The following KCNQ1 variants were observed in gnomAD, a reference collection of about 807,000 sequenced individuals.
The protein encoded by KCNQ1 is potassium voltage-gated channel subfamily KQT member 1.
Under a neutral mutation model 72.4 loss-of-function variants are expected in KCNQ1, and 49 were observed. The observed-to-expected ratio is 0.68, with a 90% CI of 0.54 to 0.86. The LOEUF is 0.86. Among genes scored for constraint, KCNQ1 ranks in the 40% least tolerant of loss-of-function variants. The probability of loss-of-function intolerance (pLI) is 0.00; values close to 1 mark genes in which losing one functional copy is unlikely to be tolerated. For missense variants in KCNQ1, 790 were observed against 945.1 expected, an observed-to-expected ratio of 0.84 and a Z score of 2.15; for synonymous variants, 450 against 412.6, an observed-to-expected ratio of 1.09 and a Z score of -1.10.
intron 2 of KCNQ1, among the ~76,000 whole-genome samples, chr11:2,533,359 C>A (rs760551854): frequency 1.3e-5 from 2 of 152,180 alleles, no homozygotes; most frequent in African/African-American, 4.8e-5. Context: ...ACCACGTGAA[C>A]ACCACGTCGG....
At chr11:2,606,665 G>T (rs1283135826) in intron 10 of KCNQ1, among the ~76,000 whole-genome samples, 8 of 151,878 alleles carry the variant, frequency 5.3e-5, no homozygotes, top group Non-Finnish European at 1.0e-4. Context: ...ACCCAGCCTC[G>T]GGTGTTCCTT....
In KCNQ1 at chr11:2,621,267, C is replaced by T. The variant is rs527355185; in HGVS notation, c.1393+32413C>T. ...TGCTAGGACTACAGGCATGAGCCAC[C>T]GTGCCTGGCCTCATTATTTGCATTT... On this transcript the variant is annotated intron_variant, in intron 10 of 15. Coordinates refer to ENST00000155840, the MANE Select transcript of KCNQ1 (RefSeq NM_000218.3). The surrounding 1 kb of genome is among the most constrained non-coding windows in gnomAD (Gnocchi z 5.7). The T allele has an allele frequency of 3.8e-5, 15 of 398,372 alleles. No homozygotes were observed. Among genetic ancestry groups the T allele is most frequent in the Admixed American group, 3.5e-4 (8 of 22,728 alleles). 24.7% of individuals were successfully genotyped at this position (398,372 alleles called of 1,614,324 possible). A position where few individuals can be genotyped will look rare whatever the true frequency, so the allele number is the denominator to read the frequency against.
At chr11:2,527,503 C>T (rs1271714762) in intron 1 of KCNQ1, among the ~76,000 whole-genome samples, 5 of 152,226 alleles carry the variant, frequency 3.3e-5, no homozygotes, top group Non-Finnish European at 7.3e-5. Flanking sequence ...GTGTAGCCAC[C>T]ACCACCATCC....
rs569971691 is a variant in KCNQ1, at chr11:2,777,989, T to C, written c.1746T>C (p.Asp582=). The change falls in exon 15 of 16, where the codon GAT becomes GAC. Residue 582 remains aspartate (D), a synonymous_variant. Coordinates refer to ENST00000155840, the MANE Select transcript of KCNQ1 (RefSeq NM_000218.3). ...LFISVSEKSK[D]RGSNTIGARL... is the part of the protein sequence containing the mutation. The stretch of plus-strand genomic sequence containing the variant: ...TATCCCCCATAGAAAAGAGCAAGGA[T>C]CGCGGCAGCAACACGATCGGCGCCC... The C allele has an allele frequency of 1.3e-4, 217 of 1,613,734 alleles. 1 individual carries two copies. In the South Asian group the frequency reaches 2.1e-3, roughly 16 times the overall value.
In KCNQ1 at chr11:2,564,466, G is replaced by T. The variant is rs1367300639; in HGVS notation, c.478-6162G>T. Among the ~76,000 whole-genome samples the T allele has an allele frequency of 6.6e-6, 1 of 152,034 alleles. No individual in the cohort carries two copies. Among genetic ancestry groups the T allele is most frequent in the Admixed American group, 6.6e-5 (1 of 15,264 alleles). On this transcript the variant is annotated intron_variant, in intron 2 of 15. Transcript: ENST00000155840. This position sits in a 1 kb window ranked among gnomAD's most constrained non-coding sequence, Gnocchi z 4.5. ...AAAAGATTAGCCGGGTGTGGTGGTG[G>T]GTGCCTCTAATCCAGCTACTCAGGG...
chr11:2,638,325 T>A (rs985126241), intron 10 of KCNQ1: 2 of 152,344 alleles, frequency 1.3e-5, no homozygotes, highest in South Asian at 4.1e-4. Context: ...ATTGTTCCTT[T>A]CCATGTTTAG....
Position 2,653,496 on chromosome 11 carries a change from A to C in KCNQ1, c.1394-8465A>C, listed in dbSNP as rs190315984. On this transcript the variant is annotated intron_variant, in intron 10 of 15. Coordinates refer to ENST00000155840, the MANE Select transcript of KCNQ1 (RefSeq NM_000218.3). The surrounding 1 kb of genome is among the most constrained non-coding windows in gnomAD (Gnocchi z 5.3). ...GCTGTTTCAGACACAGCTGGACCCC[A>C]GAGCTGAGATGATCTTGCTCACTTG... 4 of 398,656 alleles carry C rather than the reference A, an allele frequency of 1.0e-5. No individual in the cohort carries two copies. In the East Asian group the frequency reaches 1.1e-4, roughly 11 times the overall value. The allele number at this position is 398,656 out of a possible 1,614,324, so 24.7% of individuals were successfully genotyped here. A position where few individuals can be genotyped will look rare whatever the true frequency, so the allele number is the denominator to read the frequency against.
At position 2,550,189 on chromosome 11, in the gene KCNQ1, C is replaced by A. The variant is rs893358222; in HGVS notation, c.478-20439C>A. 1.3e-5 allele frequency among the ~76,000 whole-genome samples: 2 copies of A among 152,244 alleles called. No individual in the cohort carries two copies. The highest frequency in any genetic ancestry group is 4.1e-4 in the South Asian group (2 of 4,836). Reference sequence around the variant, plus strand: ...CATCCCGCAGGCAGTGCACGTCCCTCCCCCGCCTCTCTTTGCCGTTGCCGG... The same window carrying A: ...CATCCCGCAGGCAGTGCACGTCCCTACCCCGCCTCTCTTTGCCGTTGCCGG... On this transcript the variant is annotated intron_variant, in intron 2 of 15. Transcript: ENST00000155840. The surrounding 1 kb of genome is among the most constrained non-coding windows in gnomAD (Gnocchi z 6.0).
In KCNQ1 at chr11:2,663,919, G is replaced by A. The variant is rs997434920; in HGVS notation, c.1514+1838G>A. ...TGTGGCTGTGTCATCTAGGACACTG[G>A]GCTGTTTCTTGTTCCACTCCAGGAT... On this transcript the variant is annotated intron_variant, in intron 11 of 15. Coordinates refer to ENST00000155840, the MANE Select transcript of KCNQ1 (RefSeq NM_000218.3). The surrounding 1 kb of genome is among the most constrained non-coding windows in gnomAD (Gnocchi z 5.2). 9 of 398,590 alleles carry A rather than the reference G, an allele frequency of 2.3e-5. No individual in the cohort carries two copies. The Admixed American group carries it at 3.1e-4, about 14-fold the overall frequency. 24.7% of individuals were successfully genotyped at this position (398,590 alleles called of 1,614,324 possible).
chr11:2,529,850 G>T (rs1001243293), intron 2 of KCNQ1, among the ~76,000 whole-genome samples: 6 of 152,144 alleles, frequency 3.9e-5, no homozygotes, highest in Non-Finnish European at 7.3e-5. Context: ...CCAGGCGGGG[G>T]GTGCGCACCT....
rs1162795194 is a variant in KCNQ1, at chr11:2,677,320, G to A, written c.1514+15239G>A. 2.5e-6 allele frequency: 1 copy of A among 398,460 alleles called. No homozygotes were observed. The highest frequency in any genetic ancestry group is 4.4e-6 in the Non-Finnish European group (1 of 226,064). The allele number at this position is 398,460 out of a possible 1,614,324, so 24.7% of individuals were successfully genotyped here. On this transcript the variant is annotated intron_variant, in intron 11 of 15. Transcript: ENST00000155840. This position sits in a 1 kb window ranked among gnomAD's most constrained non-coding sequence, Gnocchi z 4.5. ...ATTTCATCAAGTTAAAGAAAATGATGTCAAATGATTTCTCAAATAGAGACT... is the reference window on the plus strand; with the variant it reads ...ATTTCATCAAGTTAAAGAAAATGATATCAAATGATTTCTCAAATAGAGACT...
At chr11:2,607,309 T>C (rs1273097903) in intron 10 of KCNQ1, among the ~76,000 whole-genome samples, 1 of 152,202 alleles carries the variant, frequency 6.6e-6, no homozygotes, top group African/African-American at 2.4e-5. Flanking sequence ...TGTTGAATTT[T>C]ATCACCCAAA....
rs1589911035 is a variant in KCNQ1, at chr11:2,493,468, G to A, written c.387-34460G>A. ...GGTATTGCCTGGGTATTCTTCTAGG[G>A]TTTCCGTGGTTTTAGGTTTTACATT... On this transcript the variant is annotated intron_variant, in intron 1 of 15. Coordinates refer to ENST00000155840, the MANE Select transcript of KCNQ1 (RefSeq NM_000218.3). This position sits in a 1 kb window ranked among gnomAD's most constrained non-coding sequence, Gnocchi z 5.3. Among the ~76,000 whole-genome samples, 1 of 152,216 alleles carries A rather than the reference G, an allele frequency of 6.6e-6. No individual in the cohort carries two copies. The highest frequency in any genetic ancestry group is 1.5e-5 in the Non-Finnish European group (1 of 68,000).
In KCNQ1 at chr11:2,764,293, A is replaced by G. The variant is rs777260896; in HGVS notation, c.1515-4551A>G. On this transcript the variant is annotated intron_variant, in intron 11 of 15. Coordinates refer to ENST00000155840, the MANE Select transcript of KCNQ1 (RefSeq NM_000218.3). The surrounding 1 kb of genome is among the most constrained non-coding windows in gnomAD (Gnocchi z 4.8). ...GTCTCGCTTTATCAAATGCTTTCTT[A>G]CAATCTGTTGTGTTGATTGTATTTT... 2.6e-5 allele frequency among the ~76,000 whole-genome samples: 4 copies of G among 151,616 alleles called. No individual in the cohort carries two copies. The South Asian group carries it at 6.2e-4, about 24-fold the overall frequency.
At position 2,816,675 on chromosome 11, in the gene KCNQ1, C is replaced by T. The variant is rs1330472856; in HGVS notation, c.1795-31092C>T. On this transcript the variant is annotated intron_variant, in intron 15 of 15. Coordinates refer to ENST00000155840, the MANE Select transcript of KCNQ1 (RefSeq NM_000218.3). This position sits in a 1 kb window ranked among gnomAD's most constrained non-coding sequence, Gnocchi z 6.8. ...ATGATGTTTCATTAAGGGAGAAATG[C>T]ACTTGCTGCTCCTGGAACATTCTGG... is the stretch of plus-strand genomic sequence containing the variant. Among the ~76,000 whole-genome samples, 1 of 152,056 alleles carries T rather than the reference C, an allele frequency of 6.6e-6. No homozygotes were observed. Among genetic ancestry groups the T allele is most frequent in the South Asian group, 2.1e-4 (1 of 4,822 alleles).
At chr11:2,665,997 G>A (rs1850059991) in intron 11 of KCNQ1, 1 of 398,532 alleles carries the variant, frequency 2.5e-6, no homozygotes, top group Non-Finnish European at 4.4e-6. Context: ...GACTGGCCTG[G>A]AATTCACACG....
chr11:2,712,338 G>A lies in KCNQ1; in HGVS notation c.1514+50257G>A, dbSNP rs1476940371. ...CTCTAGCTGGGCAGCCTGGCCTCAG[G>A]AGATCATCACAACCCTCGCTGGGGC... On this transcript the variant is annotated intron_variant, in intron 11 of 15. Transcript: ENST00000155840. This position sits in a 1 kb window ranked among gnomAD's most constrained non-coding sequence, Gnocchi z 6.4. Among the ~76,000 whole-genome samples, 2 of 152,126 alleles carry A rather than the reference G, an allele frequency of 1.3e-5. No individual in the cohort carries two copies.
Position 2,693,852 on chromosome 11 carries a change from C to T in KCNQ1, c.1514+31771C>T, listed in dbSNP as rs1382120920. 1.5e-5 allele frequency: 6 copies of T among 398,756 alleles called. No homozygotes were observed. In the Admixed American group the frequency reaches 2.2e-4, roughly 15 times the overall value. The allele number at this position is 398,756 out of a possible 1,614,324, so 24.7% of individuals were successfully genotyped here. ...AGGCAGTATTAGAGGCCACCCCTTG[C>T]CCTCCCATCCAGGCCTGCTCTGAGG... is the stretch of plus-strand genomic sequence containing the variant. On this transcript the variant is annotated intron_variant, in intron 11 of 15. Coordinates refer to ENST00000155840, the MANE Select transcript of KCNQ1 (RefSeq NM_000218.3).
chr11:2,566,363 G>A lies in KCNQ1; in HGVS notation c.478-4265G>A, dbSNP rs1013112789. Among the ~76,000 whole-genome samples the A allele has an allele frequency of 3.3e-5, 5 of 152,184 alleles. No homozygotes were observed. The highest frequency in any genetic ancestry group is 4.8e-5 in the African/African-American group (2 of 41,440). ...CCTGCCAGTGTCCTCTCCCACACCCGAGGACACCTGTACCTTGTCCCGGGG... is the reference window on the plus strand; with the variant it reads ...CCTGCCAGTGTCCTCTCCCACACCCAAGGACACCTGTACCTTGTCCCGGGG... On this transcript the variant is annotated intron_variant, in intron 2 of 15. Transcript: ENST00000155840. The surrounding 1 kb of genome is among the most constrained non-coding windows in gnomAD (Gnocchi z 6.7).
Sources: gnomAD v4.1 joint callset for allele counts (sites outside exome capture counted in the v4.1 genomes callset) on GRCh38, gnomAD v4.1.1 for gene constraint, Gnocchi (gnomAD v3.1) non-coding constraint, MANE v1.5 for transcripts, NCBI Gene and HGNC (gene_info 2026-07-23, HGNC 2026-07-21) for gene names.